Variants in PPFIA2 observed in about 807,000 individuals in gnomAD.
PPFIA2 encodes the protein PPFI scaffold protein A2.
A neutral mutation model predicts 175.5 loss-of-function variants in PPFIA2; 46 were observed. That is an observed-to-expected ratio of 0.26 (90% CI 0.21 to 0.34). The LOEUF (loss-of-function observed/expected upper bound fraction) is 0.34. PPFIA2 is among the 10% of genes least tolerant of loss of function. PPFIA2 has a pLI of 1.00. For synonymous variants in PPFIA2, 568 were observed against 511.4 expected, an observed-to-expected ratio of 1.11 and a Z score of -1.49; for missense variants, 1,179 against 1,506.1, an observed-to-expected ratio of 0.78 and a Z score of 3.60.
At chr12:81,658,525 T>G (rs2068178273) in intron 4 of PPFIA2, among the ~76,000 whole-genome samples, 1 of 152,046 alleles carries the variant, frequency 6.6e-6, no homozygotes, top group African/African-American at 2.4e-5. Flanking sequence ...AACATCTATC[T>G]TTGATAAAAA....
chr12:81,299,057 G>A (rs1415595414), intron 23 of PPFIA2, among the ~76,000 whole-genome samples: 1 of 152,114 alleles, frequency 6.6e-6, no homozygotes, highest in African/African-American at 2.4e-5. Context: ...TCTTGCTCTA[G>A]AAATGAAAAG....
rs1463086102 is a variant in PPFIA2 at position 81,602,443 on chromosome 12, A to G, written c.303+74348T>C. Among the ~76,000 whole-genome samples the G allele has an allele frequency of 3.9e-5, 6 of 151,942 alleles. No homozygotes were observed. The East Asian group carries it at 9.6e-4, about 24-fold the overall frequency. On this transcript the variant is annotated intron_variant, in intron 4 of 32. Coordinates refer to ENST00000549396, the MANE Select transcript of PPFIA2 (RefSeq NM_003625.5). ...GAAGTAAGTAGATGGAAAAGAAAAA[A>G]GGTTGTGTTGTTGTTATGGTTTTTA... is the stretch of plus-strand genomic sequence containing the variant.
At chr12:81,598,827 C>T (rs1271053032) in intron 4 of PPFIA2, among the ~76,000 whole-genome samples, 4 of 151,734 alleles carry the variant, frequency 2.6e-5, no homozygotes, top group African/African-American at 4.8e-5. Flanking sequence ...GTCATGAATA[C>T]GAATGAAATT....
chr12:81,329,031 T>C (rs1253815783), intron 21 of PPFIA2, among the ~76,000 whole-genome samples: 1 of 152,058 alleles, frequency 6.6e-6, no homozygotes, highest in Non-Finnish European at 1.5e-5. Context: ...CTTCAACTGC[T>C]GGCCTCAAGG....
intron 4 of PPFIA2, among the ~76,000 whole-genome samples, chr12:81,607,185 A>G (rs1400041113): frequency 2.0e-5 from 3 of 152,038 alleles, no homozygotes; most frequent in Non-Finnish European, 2.9e-5. Flanking sequence ...CCCTGTACCA[A>G]TACCATGCTG....
chr12:81,462,097 A>T (rs1264708766), intron 4 of PPFIA2, among the ~76,000 whole-genome samples: 1 of 151,482 alleles, frequency 6.6e-6, no homozygotes, highest in Non-Finnish European at 1.5e-5. Flanking sequence ...ATATTATTGG[A>T]GGTTTTTTTT....
Position 81,520,842 on chromosome 12 carries a change from GGAGA to G in PPFIA2, c.304-62980_304-62977del, listed in dbSNP as rs554825503. Among the ~76,000 whole-genome samples the G allele has an allele frequency of 3.9e-5, 6 of 152,234 alleles. No homozygotes were observed. The East Asian group carries it at 9.7e-4, about 25-fold the overall frequency. On this transcript the variant is annotated intron_variant, in intron 4 of 32. Transcript: ENST00000549396. ...ATCAGTGACAGTGCATGTGTCAAGA[GGAGA>G]GAGAGAGTAAGTAGGCAGGATTTAT...
intron 4 of PPFIA2, among the ~76,000 whole-genome samples, chr12:81,536,875 T>C (rs1817597809): frequency 6.7e-6 from 1 of 149,678 alleles, no homozygotes. Context: ...TAACATGACA[T>C]AGCTAGAAAA....
intron 28 of PPFIA2, among the ~76,000 whole-genome samples, chr12:81,273,234 C>T (rs1203335137): frequency 2.0e-5 from 3 of 152,012 alleles, no homozygotes; most frequent in African/African-American, 7.2e-5. Flanking sequence ...AATGGTCAGT[C>T]TTACTTATTT....
intron 3 of PPFIA2, among the ~76,000 whole-genome samples, chr12:81,690,218 A>T (rs1202938903): frequency 6.6e-6 from 1 of 152,058 alleles, no homozygotes; most frequent in Admixed American, 6.6e-5. Flanking sequence ...TAAAATTGGA[A>T]TCTTTCTCAA....
chr12:81,637,265 T>A (rs2064219223), intron 4 of PPFIA2, among the ~76,000 whole-genome samples: 1 of 61,770 alleles, frequency 1.6e-5, no homozygotes, highest in African/African-American at 4.8e-5. Context: ...TTTTTTTTTT[T>A]TTTTTTTTTT....
chr12:81,626,104 G>A (rs988932644), intron 4 of PPFIA2, among the ~76,000 whole-genome samples: 3 of 151,156 alleles, frequency 2.0e-5, no homozygotes, highest in Non-Finnish European at 1.5e-5. Context: ...TGATTCATAG[G>A]TCTTCAAGTT....
intron 4 of PPFIA2, among the ~76,000 whole-genome samples, chr12:81,498,919 G>A (rs930194614): frequency 1.3e-5 from 2 of 152,136 alleles, no homozygotes; most frequent in Non-Finnish European, 2.9e-5. Flanking sequence ...CACCGTGCCC[G>A]GCATCATGGG....
At chr12:81,361,576 T>C (rs1483723800) in intron 15 of PPFIA2, among the ~76,000 whole-genome samples, 2 of 151,654 alleles carry the variant, frequency 1.3e-5, no homozygotes, top group African/African-American at 4.8e-5. Context: ...ACATTTATAT[T>C]GAAAAGAATT....
At chr12:81,645,996 T>A (rs1322479904) in intron 4 of PPFIA2, among the ~76,000 whole-genome samples, 1 of 152,176 alleles carries the variant, frequency 6.6e-6, no homozygotes, top group African/African-American at 2.4e-5. Context: ...CATCTGCCCA[T>A]GGGAGAGAGA....
chr12:81,302,804 A>C, intron 22 of PPFIA2: 1 of 361,466 alleles, frequency 2.8e-6, no homozygotes, highest in South Asian at 2.1e-5. Flanking sequence ...ACCATACAAA[A>C]TTTATAAAAG....
At chr12:81,736,575 G>A (rs2081603179) in intron 3 of PPFIA2, among the ~76,000 whole-genome samples, 2 of 151,900 alleles carry the variant, frequency 1.3e-5, no homozygotes, top group Admixed American at 6.6e-5. Flanking sequence ...AGGAGGAAAC[G>A]CCGGAGGAAG....
chr12:81,328,698 G>T (rs1007740487), intron 21 of PPFIA2, among the ~76,000 whole-genome samples: 2 of 151,970 alleles, frequency 1.3e-5, no homozygotes, highest in Admixed American at 1.3e-4. Flanking sequence ...GTTGAGGGAG[G>T]GTGCATTTTT....
chr12:81,738,373 A>C (rs1181441948), intron 3 of PPFIA2, among the ~76,000 whole-genome samples: 1 of 151,954 alleles, frequency 6.6e-6, no homozygotes, highest in Non-Finnish European at 1.5e-5. Context: ...TTTATTTTTC[A>C]AGTAGAAGAA....
Sources: gnomAD v4.1 joint callset for allele counts (sites outside exome capture counted in the v4.1 genomes callset) on GRCh38, gnomAD v4.1.1 for gene constraint, MANE v1.5 for transcripts, NCBI Gene and HGNC (gene_info 2026-07-23, HGNC 2026-07-21) for gene names.